Variants in KIAA2012 observed in about 807,000 individuals in gnomAD.
KIAA2012 encodes uncharacterized protein KIAA2012.
KIAA2012 carries 125 observed loss-of-function variants against 150.6 expected under a neutral mutation model. That is an observed-to-expected ratio of 0.83 (90% CI 0.72 to 0.96). KIAA2012 has a LOEUF of 0.96. KIAA2012 is among the 40% of genes least tolerant of loss of function. The pLI, the probability that KIAA2012 is intolerant of heterozygous loss-of-function variation, is 0.00. For synonymous variants in KIAA2012, 462 were observed against 504.7 expected, an observed-to-expected ratio of 0.92 and a Z score of 1.13; for missense variants, 1,219 against 1,354.9, an observed-to-expected ratio of 0.90 and a Z score of 1.57.
At position 202,203,950 on chromosome 2, in the gene KIAA2012, T is replaced by C. The variant is rs186270534; in HGVS notation, c.*21-1048T>C. On this transcript the variant is annotated intron_variant, in intron 23 of 23. Coordinates refer to ENST00000498697, the MANE Select transcript of KIAA2012 (RefSeq NM_001277372.4). ...ATGCCTGGCTAATTTTTTATATTTT[T>C]AGTAGAGACGGGGTTTCACCATGTT... Among the ~76,000 whole-genome samples, 1,118 of 152,200 alleles carry C rather than the reference T, an allele frequency of 7.3e-3. 10 individuals are homozygous for C. Among genetic ancestry groups the C allele is most frequent in the Non-Finnish European group, 0.012 (823 of 67,994 alleles).
At chr2:202,176,738 A>G (rs1343828320) in intron 15 of KIAA2012, among the ~76,000 whole-genome samples, 1 of 152,242 alleles carries the variant, frequency 6.6e-6, no homozygotes, top group Non-Finnish European at 1.5e-5. Context: ...ATAAATGGCC[A>G]TAGAGAAAAA....
intron 14 of KIAA2012, among the ~76,000 whole-genome samples, chr2:202,155,855 G>A (rs749914286): frequency 5.3e-5 from 8 of 152,112 alleles, no homozygotes; most frequent in Non-Finnish European, 1.0e-4. Flanking sequence ...TCTGCTTTTC[G>A]GGGCTTCCTC....
intron 13 of KIAA2012, among the ~76,000 whole-genome samples, chr2:202,150,519 G>A (rs1691404489): frequency 6.6e-6 from 1 of 151,882 alleles, no homozygotes; most frequent in Non-Finnish European, 1.5e-5. Context: ...CGCGATCTCC[G>A]CTCACTATAA....
At position 202,194,176 on chromosome 2, in the gene KIAA2012, T is replaced by C. The variant is rs1692367097; in HGVS notation, c.3015-14T>C. ...GTTTTCTGCCATTTCCCTGACCATC[T>C]TGGGTTTTCTCAGCTTGAGGAAACA... is the stretch of plus-strand genomic sequence containing the variant. On this transcript the variant is annotated splice_polypyrimidine_tract_variant and intron_variant, in intron 20 of 23. Coordinates refer to ENST00000498697, the MANE Select transcript of KIAA2012 (RefSeq NM_001277372.4). 1.3e-6 allele frequency: 2 copies of C among 1,550,222 alleles called. No homozygotes were observed. Among genetic ancestry groups the C allele is most frequent in the Admixed American group, 2.0e-5 (1 of 50,950 alleles).
intron 7 of KIAA2012, 46 bp from the exon 8 acceptor site, chr2:202,102,900 G>C (rs750516959): frequency 2.0e-6 from 3 of 1,525,584 alleles, no homozygotes; most frequent in South Asian, 1.2e-5. Flanking sequence ...CAGGCAGCAG[G>C]GTTTGGATAC....
intron 12 of KIAA2012, among the ~76,000 whole-genome samples, chr2:202,132,294 T>C (rs1690949309): frequency 6.6e-6 from 1 of 152,184 alleles, no homozygotes; most frequent in Admixed American, 6.5e-5. Flanking sequence ...CCCAGCTATG[T>C]AGAGACTGGA....
intron 15 of KIAA2012, among the ~76,000 whole-genome samples, chr2:202,183,477 T>TA (rs368750332): frequency 7.0e-3 from 21 of 2,994 alleles, no homozygotes; most frequent in Non-Finnish European, 0.021. Flanking sequence ...GTTTTTTAAA[T>TA]TTTTTTTTTT....
chr2:202,084,537 C>T (rs1273828645), intron 2 of KIAA2012, among the ~76,000 whole-genome samples: 1 of 152,190 alleles, frequency 6.6e-6, no homozygotes, highest in African/African-American at 2.4e-5. Context: ...CAGAAGAAAC[C>T]CGAAGCTGGG....
chr2:202,165,177 A>G, intron 14 of KIAA2012, 107 bp from the exon 15 acceptor site: 2 of 1,040,192 alleles, frequency 1.9e-6, no homozygotes, highest in Admixed American at 2.5e-5. Context: ...AGAAACCACT[A>G]AGAAAACTGG....
chr2:202,085,238 G>T (rs1207321233), intron 2 of KIAA2012, among the ~76,000 whole-genome samples: 1 of 152,180 alleles, frequency 6.6e-6, no homozygotes, highest in Non-Finnish European at 1.5e-5. Flanking sequence ...AGGATGTCCT[G>T]CCAAAGATAT....
rs145090550 is a variant in KIAA2012 at position 202,098,497 on chromosome 2, T to C, written c.828+920T>C. Among the ~76,000 whole-genome samples, 9 of 152,348 alleles carry C rather than the reference T, an allele frequency of 5.9e-5. No individual in the cohort carries two copies. The East Asian group carries it at 1.7e-3, about 29-fold the overall frequency. ...CTATAACATAGTCACCAGCTTAACTTTGTTAAACTCTGGGTTTTCCAAACT... is the reference window on the plus strand; with the variant it reads ...CTATAACATAGTCACCAGCTTAACTCTGTTAAACTCTGGGTTTTCCAAACT... On this transcript the variant is annotated intron_variant, in intron 5 of 23. Transcript: ENST00000498697.
intron 4 of KIAA2012, among the ~76,000 whole-genome samples, chr2:202,096,062 C>G (rs180912133): frequency 6.6e-6 from 1 of 152,084 alleles, no homozygotes; most frequent in African/African-American, 2.4e-5. Context: ...CCAGCCTGGG[C>G]AACAGAGTGA....
At chr2:202,195,352 T>C (rs749415842) in intron 21 of KIAA2012, among the ~76,000 whole-genome samples, 5 of 151,722 alleles carry the variant, frequency 3.3e-5, no homozygotes, top group African/African-American at 4.8e-5. Flanking sequence ...ACCCCGTCTC[T>C]ACTAAAAATA....
chr2:202,202,812 C>G (rs1217414750), intron 23 of KIAA2012, among the ~76,000 whole-genome samples: 1 of 151,918 alleles, frequency 6.6e-6, no homozygotes, highest in East Asian at 1.9e-4. Context: ...TGCCTGTAAT[C>G]CCAGCTACTC....
chr2:202,174,936 C>T (rs961926340), intron 15 of KIAA2012, among the ~76,000 whole-genome samples: 3 of 151,804 alleles, frequency 2.0e-5, no homozygotes, highest in African/African-American at 7.3e-5. Context: ...ATTATTACAC[C>T]CAAAATTTAA....
chr2:202,159,850 T>A (rs1054701237), intron 14 of KIAA2012, among the ~76,000 whole-genome samples: 25 of 151,926 alleles, frequency 1.6e-4, no homozygotes, highest in Non-Finnish European at 3.1e-4. Flanking sequence ...CTCAAAAAAA[T>A]AATAATAATA....
At chr2:202,140,973 A>G (rs768054316) in intron 13 of KIAA2012, among the ~76,000 whole-genome samples, 3 of 152,124 alleles carry the variant, frequency 2.0e-5, no homozygotes, top group Non-Finnish European at 2.9e-5. Flanking sequence ...CGAGGGGAAG[A>G]CATGTCAAAG....
chr2:202,136,032 C>A (rs1458924359), intron 12 of KIAA2012: 2 of 390,126 alleles, frequency 5.1e-6, no homozygotes, highest in Non-Finnish European at 5.2e-6. Context: ...GAGTCTCACT[C>A]TGTTGTGTCC....
chr2:202,166,659 A>G (rs1434533956), intron 15 of KIAA2012, among the ~76,000 whole-genome samples: 2 of 136,112 alleles, frequency 1.5e-5, no homozygotes, highest in African/African-American at 5.3e-5. Context: ...CCTGTCTCCA[A>G]AAAAAAACAA....
Sources: allele counts gnomAD v4.1 joint callset (sites outside exome capture counted in the v4.1 genomes callset), GRCh38; gene constraint gnomAD v4.1.1; transcripts MANE v1.5; gene names NCBI Gene and HGNC (gene_info 2026-07-23, HGNC 2026-07-21).